The following ARHGAP4 variants were observed in gnomAD, a reference collection of about 807,000 sequenced individuals.
The protein encoded by ARHGAP4 is Rho GTPase activating protein 4, also known as rho GTPase-activating protein 4.
Under a neutral mutation model 67.6 loss-of-function variants are expected in ARHGAP4, and 25 were observed. The observed-to-expected ratio is 0.37, with a 90% confidence interval of 0.27 to 0.52. The LOEUF (loss-of-function observed/expected upper bound fraction) is 0.52, where lower values mean the gene tolerates loss of function less well. ARHGAP4 is among the 20% of genes least tolerant of loss of function. The pLI is 0.92. For missense variants in ARHGAP4, 804 were observed against 854.6 expected, an observed-to-expected ratio of 0.94 and a Z score of 0.74; for synonymous variants, 448 against 373.7, an observed-to-expected ratio of 1.20 and a Z score of -2.29.
intron 7 of ARHGAP4, among the ~76,000 whole-genome samples, chrX:153,916,815 C>T (rs1191946326): frequency 1.8e-5 from 2 of 113,169 alleles, no homozygotes; most frequent in South Asian, 3.6e-4. Flanking sequence ...TGGTGGCTCA[C>T]GCCTGTAATC....
rs2064980876 is a variant in ARHGAP4 at position 153,907,723 on chromosome X, G to A, written c.*6C>T. 1.0e-6 allele frequency: 1 copy of A among 955,064 alleles called. No homozygotes were observed. The highest frequency in any genetic ancestry group is 1.4e-6 in the Non-Finnish European group (1 of 735,622). The allele number at this position is 955,064 out of a possible 1,213,427, so 78.7% of individuals were successfully genotyped here. A position where few individuals can be genotyped will look rare whatever the true frequency, so the allele number is the denominator to read the frequency against. On this transcript the variant is annotated 3_prime_UTR_variant, in exon 22 of 22. Transcript: ENST00000350060. ...GCCGGGGGCACGCATCTCCAGCAGC[G>A]GCACCTCAGTGTGGCTTGGGGGTCG... is the stretch of plus-strand genomic sequence containing the variant.
intron 21 of ARHGAP4, 106 bp downstream of exon 21, chrX:153,908,964 G>C (rs1377662670): frequency 1.2e-6 from 1 of 853,403 alleles, no homozygotes; most frequent in South Asian, 2.1e-5. Flanking sequence ...GCTAAGGCCA[G>C]GGAGGGCAAC....
chrX:153,919,799 T>A (rs782095614), intron 5 of ARHGAP4: 29 of 838,689 alleles, frequency 3.5e-5, no homozygotes, highest in Middle Eastern at 4.7e-4. Flanking sequence ...TTTATTTTTT[T>A]TTTTTGAGAC....
intron 10 of ARHGAP4, 54 bp from the exon 11 acceptor site, chrX:153,913,105 T>G (rs1281585030): frequency 8.6e-7 from 1 of 1,167,315 alleles, no homozygotes; most frequent in Non-Finnish European, 1.1e-6. Flanking sequence ...CTTCAAGGCA[T>G]CCCAGAGAGA....
intron 5 of ARHGAP4, 148 bp downstream of exon 5, chrX:153,920,478 T>C: frequency 1.5e-6 from 1 of 673,060 alleles, no homozygotes; most frequent in South Asian, 3.0e-5. Flanking sequence ...CCTGGGAGCC[T>C]TCCGTATGGA....
At chrX:153,923,138 G>C (rs782200855) in intron 1 of ARHGAP4, among the ~76,000 whole-genome samples, 2 of 111,044 alleles carry the variant, frequency 1.8e-5, no homozygotes, top group Admixed American at 1.9e-4. Flanking sequence ...AGGAGCCACA[G>C]TAGTGGGGTG....
chrX:153,915,307 T>C (rs936111870), intron 7 of ARHGAP4, among the ~76,000 whole-genome samples: 9 of 112,111 alleles, frequency 8.0e-5, no homozygotes, highest in Non-Finnish European at 1.5e-4. Flanking sequence ...TGGATGGTGG[T>C]GATGGCTGCA....
rs1412458612 is a variant in ARHGAP4, at chrX:153,909,904, C to T, written c.2251G>A (p.Ala751Thr). Residue 751 changes from alanine (A) to threonine (T), a missense_variant, in exon 19 of 22, where the codon GCT (alanine) becomes ACT (threonine). This residue lies in a region of ARHGAP4 where 400 missense variants were observed against 348.7 expected (regional missense o/e 1.15). Coordinates refer to ENST00000350060, the MANE Select transcript of ARHGAP4 (RefSeq NM_001666.5). ...QEDDLEGVVEAVACFAYTGRT... is the reference protein window; with the variant it reads ...QEDDLEGVVETVACFAYTGRT... Reference sequence around the variant, plus strand: ...CCCGTGTAGGCAAAGCAGGCCACAGCCTCCACGACCCCCTCCAGGTCTGGG... The same window carrying T: ...CCCGTGTAGGCAAAGCAGGCCACAGTCTCCACGACCCCCTCCAGGTCTGGG... 2.5e-6 allele frequency: 3 copies of T among 1,203,334 alleles called. No homozygotes were observed. Among genetic ancestry groups the T allele is most frequent in the African/African-American group, 3.5e-5 (2 of 57,262 alleles).
At chrX:153,925,715 G>C (rs1284850391) in intron 1 of ARHGAP4, among the ~76,000 whole-genome samples, 1 of 111,902 alleles carries the variant, frequency 8.9e-6, no homozygotes, top group Admixed American at 9.5e-5. Context: ...TGGGGTTACG[G>C]CCAGGTGATC....
intron 7 of ARHGAP4, among the ~76,000 whole-genome samples, chrX:153,918,560 C>T (rs1035888711): frequency 2.7e-5 from 3 of 112,953 alleles, no homozygotes; most frequent in Admixed American, 9.3e-5. Context: ...AATTTAAAAA[C>T]ACAGAGAAAC....
intron 19 of ARHGAP4, 41 bp from the exon 20 acceptor site, chrX:153,909,576 C>T: frequency 9.0e-7 from 1 of 1,115,559 alleles, no homozygotes. Context: ...TGCTCCTTCC[C>T]TGCACGGGGT....
intron 7 of ARHGAP4, among the ~76,000 whole-genome samples, chrX:153,916,109 T>G (rs548988105): frequency 1.8e-5 from 2 of 112,558 alleles, no homozygotes; most frequent in South Asian, 7.3e-4. Flanking sequence ...CGATCACGCA[T>G]GAGTGAGGAC....
rs1468427492 is a variant in ARHGAP4 at position 153,910,479 on chromosome X, CCCCAGCACTCG to C, written c.1922+16_1922+26del. ...CTGTCCCCTCGACCCCTGGCCCCCA[CCCCAGCACTCG>C]CCCCGCAGCACTCACTGGTTGAGGA... On this transcript the variant is annotated intron_variant, in intron 16 of 21. Transcript: ENST00000350060. The C allele has an allele frequency of 7.6e-6, 9 of 1,180,015 alleles. No homozygotes were observed. The highest frequency in any genetic ancestry group is 1.0e-5 in the Non-Finnish European group (9 of 875,941).
At chrX:153,918,758 G>A (rs2065072031) in intron 7 of ARHGAP4, 74 bp downstream of exon 7, 1 of 1,060,271 alleles carries the variant, frequency 9.4e-7, no homozygotes, top group Non-Finnish European at 1.3e-6. Context: ...GCAAAGTGTG[G>A]GTCATGCCAC....
rs371630947 is a variant in ARHGAP4 at position 153,909,853 on chromosome X, G to A, written c.2302C>T (p.Arg768Trp). The A allele has an allele frequency of 3.7e-5, 44 of 1,202,181 alleles. 1 individual carries two copies. The highest frequency in any genetic ancestry group is 8.9e-5 in the Admixed American group (4 of 45,013). The change falls in exon 19 of 22, where the codon CGG becomes TGG. Residue 768 changes from arginine to tryptophan, a missense_variant. Physicochemically the swap from Arg to Trp is moderately radical, Grantham distance 101. Coordinates refer to ENST00000350060, the MANE Select transcript of ARHGAP4 (RefSeq NM_001666.5). ...TGCAGCCGCAGTACGTCCCCCCGCCGGAAGCTCAGCTCCTGGGCTGTGCGG... is the reference window on the plus strand; with the variant it reads ...TGCAGCCGCAGTACGTCCCCCCGCCAGAAGCTCAGCTCCTGGGCTGTGCGG... ...TGRTAQELSF[R>W]RGDVLRLHER...
At chrX:153,911,252 C>CT (rs10710691) in intron 12 of ARHGAP4, 63 bp from the exon 13 acceptor site, 15,877 of 407,005 alleles carry the variant, frequency 0.039, 321 homozygotes, top group African/African-American at 0.089. Flanking sequence ...CATTCAATTG[C>CT]TTTTTTTTTT....
chrX:153,907,528 G>C lies in ARHGAP4; in HGVS notation c.*201C>G, dbSNP rs1233529950. ...CATCCTTCCTCAGCTGCCTCCAAAA[G>C]GGGCCTGGGCCAGGGCTGAGGGGCA... On this transcript the variant is annotated 3_prime_UTR_variant, in exon 22 of 22. Coordinates refer to ENST00000350060, the MANE Select transcript of ARHGAP4 (RefSeq NM_001666.5). 1 of 383,217 alleles carries C rather than the reference G, an allele frequency of 2.6e-6. No individual in the cohort carries two copies. Among genetic ancestry groups the C allele is most frequent in the African/African-American group, 2.5e-5 (1 of 39,672 alleles). 31.6% of individuals were successfully genotyped at this position (383,217 alleles called of 1,213,427 possible). A position where few individuals can be genotyped will look rare whatever the true frequency, so the allele number is the denominator to read the frequency against.
At position 153,909,775 on chromosome X, in the gene ARHGAP4, G is replaced by A; in HGVS notation, c.2380C>T (p.Leu794Phe). 8.3e-7 allele frequency: 1 copy of A among 1,200,801 alleles called. No homozygotes were observed. The highest frequency in any genetic ancestry group is 1.1e-6 in the Non-Finnish European group (1 of 890,820). The stretch of plus-strand genomic sequence containing the variant: ...AGCGTGATATACTTGTGGGGGATGA[G>A]GCCCCGCATGCCGTTGTGCTCCCCC... ...WRGEHNGMRG[L>F]IPHKYITLPA... Residue 794 changes from leucine (L) to phenylalanine (F), a missense_variant, in exon 19 of 22, where the codon CTC (leucine) becomes TTC (phenylalanine). This residue lies in a region of ARHGAP4 where 400 missense variants were observed against 348.7 expected (regional missense o/e 1.15). Transcript: ENST00000350060.
At chrX:153,910,889 G>GCCCCCCCCCCC in intron 14 of ARHGAP4, 33 bp downstream of exon 14, 2 of 1,147,442 alleles carry the variant, frequency 1.7e-6, no homozygotes, top group Non-Finnish European at 2.3e-6. Context: ...ATCTGCCCGA[G>GCCCCCCCCCCC]CCCCCACCCC....
Sources: allele counts gnomAD v4.1 joint callset (sites outside exome capture counted in the v4.1 genomes callset), GRCh38; gene constraint gnomAD v4.1.1; regional missense constraint gnomAD v4.1.1; transcripts MANE v1.5; gene names NCBI Gene and HGNC (gene_info 2026-07-23, HGNC 2026-07-21).